GNAI1: variants seen among roughly 807,000 people sequenced by gnomAD.
GNAI1 encodes the protein guanine nucleotide-binding protein G(i) subunit alpha-1.
A neutral mutation model predicts 38.9 loss-of-function variants in GNAI1; 11 were observed. The observed-to-expected ratio is 0.28, with a 90% confidence interval of 0.18 to 0.47. GNAI1 has a LOEUF of 0.47. Ranked by LOEUF, GNAI1 falls within the 20% of genes least tolerant of loss-of-function variation. The pLI, the probability that GNAI1 is intolerant of heterozygous loss-of-function variation, is 0.99. For synonymous variants in GNAI1, 166 were observed against 145.1 expected (o/e 1.14, Z -1.04); for missense variants, 317 against 436.9 (o/e 0.73, Z 2.45).
chr7:80,153,946 A>T (rs1787772242), intron 1 of GNAI1, among the ~76,000 whole-genome samples: 1 of 152,046 alleles, frequency 6.6e-6, no homozygotes. Context: ...TATTTTTGAG[A>T]CAGCCTCATT....
At chr7:80,196,493 A>C (rs1187329075) in intron 3 of GNAI1, among the ~76,000 whole-genome samples, 4 of 151,984 alleles carry the variant, frequency 2.6e-5, no homozygotes, top group African/African-American at 9.7e-5. Flanking sequence ...CAAATTTTGC[A>C]AAGACCTCAT....
At chr7:80,188,436 T>C (rs1472651007) in intron 1 of GNAI1, among the ~76,000 whole-genome samples, 1 of 152,194 alleles carries the variant, frequency 6.6e-6, no homozygotes, top group East Asian at 1.9e-4. Flanking sequence ...TGTTTTTTTA[T>C]TTGAGTTGAT....
intron 1 of GNAI1, among the ~76,000 whole-genome samples, chr7:80,187,795 C>T (rs914891924): frequency 3.9e-5 from 6 of 152,148 alleles, no homozygotes; most frequent in Non-Finnish European, 8.8e-5. Flanking sequence ...TGTCTTGTGT[C>T]CTTTGCTCAG....
At chr7:80,153,724 AT>A (rs1357470817) in intron 1 of GNAI1, among the ~76,000 whole-genome samples, 5 of 148,532 alleles carry the variant, frequency 3.4e-5, no homozygotes, top group Admixed American at 2.7e-4. Context: ...GAAGGAGAAA[AT>A]AAATTTAGGT....
chr7:80,137,272 T>A (rs888880211), intron 1 of GNAI1, among the ~76,000 whole-genome samples: 1 of 149,218 alleles, frequency 6.7e-6, no homozygotes, highest in African/African-American at 2.4e-5. Flanking sequence ...ATTATGGAAT[T>A]CTTATTTCTT....
chr7:80,174,328 A>G (rs1325761138), intron 1 of GNAI1, among the ~76,000 whole-genome samples: 1 of 151,976 alleles, frequency 6.6e-6, no homozygotes, highest in African/African-American at 2.4e-5. Flanking sequence ...TATTTTTTAA[A>G]CAATATTTCT....
Position 80,208,469 on chromosome 7 carries a change from T to C in GNAI1, c.591-2500T>C, listed in dbSNP as rs542249694. ...CAAACTTAAGCAGTTTGATCATTTG[T>C]AATATCAGTTCTCTGTCATTGTTGC... On this transcript the variant is annotated intron_variant, in intron 5 of 7. Transcript: ENST00000649796. Among the ~76,000 whole-genome samples the C allele has an allele frequency of 3.3e-5, 5 of 152,296 alleles. No individual in the cohort carries two copies. The East Asian group carries it at 9.7e-4, about 29-fold the overall frequency.
chr7:80,174,455 G>GTTT (rs546784682), intron 1 of GNAI1, among the ~76,000 whole-genome samples: 2 of 127,816 alleles, frequency 1.6e-5, no homozygotes, highest in Non-Finnish European at 3.4e-5. Flanking sequence ...ATCTTCTGCT[G>GTTT]TTTTTTTTTT....
chr7:80,191,844 T>C (rs956472730), intron 3 of GNAI1, among the ~76,000 whole-genome samples: 1 of 152,234 alleles, frequency 6.6e-6, no homozygotes, highest in African/African-American at 2.4e-5. Flanking sequence ...TAGTATCCGT[T>C]CATAAGTGTC....
intron 3 of GNAI1, among the ~76,000 whole-genome samples, chr7:80,197,179 G>C: frequency 9.1e-6 from 1 of 109,302 alleles, no homozygotes; most frequent in South Asian, 3.5e-4. Context: ...TGTTTCTGTG[G>C]ATTTTTTTTT....
intron 5 of GNAI1, among the ~76,000 whole-genome samples, chr7:80,210,719 T>C (rs1003991734): frequency 1.4e-5 from 2 of 142,194 alleles, no homozygotes; most frequent in Non-Finnish European, 3.0e-5. Flanking sequence ...TGAGGTTATT[T>C]TTGTTTTTGC....
intron 1 of GNAI1, among the ~76,000 whole-genome samples, chr7:80,146,840 GCA>G (rs1227853427): frequency 6.6e-6 from 1 of 152,142 alleles, no homozygotes; most frequent in Non-Finnish European, 1.5e-5. Context: ...ACACTGCCTT[GCA>G]CAGAGTAAAC....
Position 80,223,835 on chromosome 7 carries a change from ATTC to A in GNAI1, c.*6345_*6347del, listed in dbSNP as rs1789118265. ...GAGCATACGTTTAAACCATTTAACC[ATTC>A]TTGAATTTCTTAACATAGTAAGTTA... On this transcript the variant is annotated 3_prime_UTR_variant, in exon 8 of 8. Transcript: ENST00000649796. 6.6e-6 allele frequency among the ~76,000 whole-genome samples: 1 copy of A among 152,234 alleles called. No homozygotes were observed. Among genetic ancestry groups the A allele is most frequent in the East Asian group, 1.9e-4 (1 of 5,200 alleles).
intron 1 of GNAI1, 125 bp downstream of exon 1, chr7:80,135,403 G>A: frequency 1.9e-6 from 1 of 522,222 alleles, no homozygotes; most frequent in Non-Finnish European, 3.1e-6. Flanking sequence ...CTGAGCGGGA[G>A]CTGGGTCCGG....
intron 1 of GNAI1, among the ~76,000 whole-genome samples, chr7:80,176,201 A>G (rs1403495540): frequency 1.3e-5 from 2 of 152,220 alleles, no homozygotes; most frequent in Admixed American, 6.5e-5. Flanking sequence ...CTGGATAGAA[A>G]ATCAAACTAG....
At chr7:80,163,872 T>C (rs192562339) in intron 1 of GNAI1, among the ~76,000 whole-genome samples, 192 of 152,202 alleles carry the variant, frequency 1.3e-3, no homozygotes, top group African/African-American at 4.3e-3. Flanking sequence ...GCCTCAGATA[T>C]GGTCCATGCC....
intron 1 of GNAI1, among the ~76,000 whole-genome samples, chr7:80,154,500 A>AT (rs1226936567): frequency 6.6e-6 from 1 of 151,914 alleles, no homozygotes; most frequent in African/African-American, 2.4e-5. Flanking sequence ...TGGCAACATG[A>AT]TTTTTTGAAC....
At chr7:80,199,412 A>G (rs376627531) in intron 4 of GNAI1, 30 bp downstream of exon 4, 3 of 1,486,650 alleles carry the variant, frequency 2.0e-6, no homozygotes, top group Middle Eastern at 1.9e-4. Context: ...GAACTAAACT[A>G]TCATGAATAA....
chr7:80,222,642 C>T lies in GNAI1; in HGVS notation c.*5149C>T, dbSNP rs1032282197. On this transcript the variant is annotated 3_prime_UTR_variant, in exon 8 of 8. Transcript: ENST00000649796. ...CCTCAGGTAATCCGCCCACCTCGGC[C>T]GCCCAAAGTGCTGGGATTACAGGTG... 1.3e-5 allele frequency among the ~76,000 whole-genome samples: 2 copies of T among 151,986 alleles called. No individual in the cohort carries two copies. The highest frequency in any genetic ancestry group is 4.8e-5 in the African/African-American group (2 of 41,350).
Sources: allele counts gnomAD v4.1 joint callset (sites outside exome capture counted in the v4.1 genomes callset), GRCh38; gene constraint gnomAD v4.1.1; transcripts MANE v1.5; gene names NCBI Gene and HGNC (gene_info 2026-07-23, HGNC 2026-07-21).